LITAF: variants seen among roughly 807,000 people sequenced by gnomAD.
LITAF encodes lipopolysaccharide-induced tumor necrosis factor-alpha factor.
LITAF carries 9 observed loss-of-function variants against 14.5 expected under a neutral mutation model. The observed-to-expected ratio is 0.62, with a 90% CI of 0.37 to 1.08. The LOEUF (loss-of-function observed/expected upper bound fraction) is 1.08, where lower values mean the gene tolerates loss of function less well. Among genes scored for constraint, LITAF ranks in the 50% least tolerant of loss-of-function variants. The pLI is 0.01. For missense variants in LITAF, 206 were observed against 213.4 expected, an observed-to-expected ratio of 0.97 and a Z score of 0.22; for synonymous variants, 98 against 88.2, an observed-to-expected ratio of 1.11 and a Z score of -0.62.
intron 3 of LITAF, among the ~76,000 whole-genome samples, chr16:11,630,892 C>G (rs1222310004): frequency 6.6e-6 from 1 of 152,178 alleles, no homozygotes; most frequent in Non-Finnish European, 1.5e-5. Context: ...CCACGGTGCC[C>G]GGCCTGCCAT....
At chr16:11,564,247 C>G (rs1024486254) in intron 1 of LITAF, among the ~76,000 whole-genome samples, 2 of 152,016 alleles carry the variant, frequency 1.3e-5, no homozygotes, top group African/African-American at 4.8e-5. Flanking sequence ...AACCCAGGAA[C>G]CCGCAGGGAG....
At chr16:11,612,991 G>A (rs888654926) in intron 3 of LITAF, among the ~76,000 whole-genome samples, 10 of 152,160 alleles carry the variant, frequency 6.6e-5, no homozygotes, top group African/African-American at 2.4e-4. Flanking sequence ...GGCAAGGCCA[G>A]CCATTCAGGT....
intron 3 of LITAF, among the ~76,000 whole-genome samples, chr16:11,604,899 C>T (rs941744713): frequency 2.6e-5 from 4 of 152,108 alleles, no homozygotes; most frequent in Non-Finnish European, 4.4e-5. Context: ...GACCCACCCA[C>T]GCCTGTTCAA....
chr16:11,613,328 C>T (rs368297468), intron 3 of LITAF, among the ~76,000 whole-genome samples: 13 of 152,242 alleles, frequency 8.5e-5, no homozygotes, highest in East Asian at 7.7e-4. Context: ...TGGAGAGAGA[C>T]GGGACACTCG....
chr16:11,600,948 C>A (rs1391507275), upstream of LITAF, among the ~76,000 whole-genome samples: 1 of 152,156 alleles, frequency 6.6e-6, no homozygotes, highest in Non-Finnish European at 1.5e-5. The surrounding 1 kb of genome is among the most constrained non-coding windows in gnomAD (Gnocchi z 4.1). Flanking sequence ...CAAACCGGGG[C>A]ATGTCAGTGT....
rs535851870 is a variant in LITAF, at chr16:11,553,200, C to T, written c.377+333G>A. On this transcript the variant is annotated intron_variant, in intron 3 of 3. Transcript: ENST00000622633. This position sits in a 1 kb window ranked among gnomAD's most constrained non-coding sequence, Gnocchi z 7.7. ...TTGGGAGGCCAAGGTGGGCAGATCA[C>T]CTGAGGTCAGGAGTTTGAGACCAGC... Among the ~76,000 whole-genome samples, 2 of 152,086 alleles carry T rather than the reference C, an allele frequency of 1.3e-5. No individual in the cohort carries two copies. The highest frequency in any genetic ancestry group is 3.9e-4 in the East Asian group (2 of 5,174).
chr16:11,568,647 G>C (rs1371879317), intron 1 of LITAF, among the ~76,000 whole-genome samples: 2 of 150,074 alleles, frequency 1.3e-5, no homozygotes, highest in Non-Finnish European at 3.0e-5. Context: ...TTCAGTGCTT[G>C]CTTGTGACAC....
At chr16:11,572,018 G>T (rs1295028489) in intron 1 of LITAF, among the ~76,000 whole-genome samples, 1 of 152,122 alleles carries the variant, frequency 6.6e-6, no homozygotes, top group Non-Finnish European at 1.5e-5. Flanking sequence ...GAGCCCAGGA[G>T]TTTGAGGCTG....
chr16:11,610,417 CT>C (rs34965308), intron 3 of LITAF, among the ~76,000 whole-genome samples: 60,784 of 151,888 alleles, frequency 0.4, 13,489 homozygotes, highest in Middle Eastern at 0.5. Context: ...GGCAGGAAAT[CT>C]TTATTCTGGT....
chr16:11,586,509 A>C lies in LITAF; in HGVS notation c.-6+377T>G, dbSNP rs1285191398. The C allele has an allele frequency of 6.6e-6, 1 of 152,020 alleles. No homozygotes were observed. The highest frequency in any genetic ancestry group is 1.5e-5 in the Non-Finnish European group (1 of 67,966). The allele number at this position is 152,020 out of a possible 1,614,324, so 9.4% of individuals were successfully genotyped here. A position where few individuals can be genotyped will look rare whatever the true frequency, so the allele number is the denominator to read the frequency against. ...TGGAAATCTCAACCTGAGTCACTAG[A>C]GAGAATCGCGCCTTTTTCTAAAAAG... On this transcript the variant is annotated intron_variant, in intron 1 of 3. Transcript: ENST00000622633. This position sits in a 1 kb window ranked among gnomAD's most constrained non-coding sequence, Gnocchi z 6.5.
At chr16:11,597,698 G>A (rs2064899009) in intron 1 of LITAF, among the ~76,000 whole-genome samples, 1 of 152,074 alleles carries the variant, frequency 6.6e-6, no homozygotes, top group Non-Finnish European at 1.5e-5. Context: ...CCAAAACAGT[G>A]TCCTACAGAG....
At position 11,632,530 on chromosome 16, in the gene LITAF, C is replaced by T. The variant is rs1023276009; in HGVS notation, c.85+1003G>A. ...GAACTAACAGCTACCCCTGACTCTG[C>T]GGGCCCAGAGCAGATCACTGCCAGC... On this transcript the variant is annotated intron_variant, in intron 3 of 3. Coordinates refer to the LITAF transcript ENST00000574848. This position sits in a 1 kb window ranked among gnomAD's most constrained non-coding sequence, Gnocchi z 4.8. Among the ~76,000 whole-genome samples the T allele has an allele frequency of 1.2e-4, 19 of 152,352 alleles. No individual in the cohort carries two copies. In the East Asian group the frequency reaches 1.9e-3, roughly 15 times the overall value.
chr16:11,599,038 T>C (rs1330289430), upstream of LITAF, among the ~76,000 whole-genome samples: 1 of 152,056 alleles, frequency 6.6e-6, no homozygotes, highest in East Asian at 1.9e-4. Context: ...CAGGCTGGTT[T>C]CAAACTCCTG....
At chr16:11,581,486 C>T (rs2064733706) in intron 1 of LITAF, among the ~76,000 whole-genome samples, 1 of 152,004 alleles carries the variant, frequency 6.6e-6, no homozygotes, top group Non-Finnish European at 1.5e-5. Flanking sequence ...GTCTCTACAA[C>T]AAAAAACCAC....
At chr16:11,631,670 G>C (rs368473795) in intron 3 of LITAF, among the ~76,000 whole-genome samples, 4 of 152,100 alleles carry the variant, frequency 2.6e-5, no homozygotes, top group Non-Finnish European at 5.9e-5. Context: ...GATTACAGGC[G>C]TGAGCCATGG....
chr16:11,590,428 C>T (rs141822916), upstream of LITAF, among the ~76,000 whole-genome samples: 919 of 116,606 alleles, frequency 7.9e-3, 227 homozygotes, highest in Non-Finnish European at 0.011. Flanking sequence ...CAAAAGAAAC[C>T]GTACTTCAAG....
chr16:11,606,316 G>A (rs1031521114), intron 3 of LITAF, among the ~76,000 whole-genome samples: 2 of 148,750 alleles, frequency 1.3e-5, no homozygotes, highest in African/African-American at 5.0e-5. Context: ...CTACAGGCAC[G>A]CACCACCATG....
intron 3 of LITAF, among the ~76,000 whole-genome samples, chr16:11,621,398 T>G (rs1287930689): frequency 3.3e-5 from 5 of 151,942 alleles, no homozygotes; most frequent in African/African-American, 1.2e-4. Flanking sequence ...AGAGATGGGG[T>G]CTTGCTATGT....
At chr16:11,616,084 C>T (rs775461906) in intron 3 of LITAF, among the ~76,000 whole-genome samples, 1 of 152,164 alleles carries the variant, frequency 6.6e-6, no homozygotes, top group Admixed American at 6.5e-5. Context: ...GGAGGTGGGG[C>T]ACCCCAACTC....
Sources: allele counts gnomAD v4.1 joint callset (sites outside exome capture counted in the v4.1 genomes callset), GRCh38; gene constraint gnomAD v4.1.1; non-coding constraint Gnocchi (gnomAD v3.1); transcripts MANE v1.5; gene names NCBI Gene and HGNC (gene_info 2026-07-23, HGNC 2026-07-21).